GK5: variants seen among roughly 807,000 people sequenced by gnomAD.
GK5 encodes the protein ATP:glycerol 3-phosphotransferase 5.
GK5 carries 39 observed loss-of-function variants against 77.3 expected under a neutral mutation model. The ratio of observed to expected loss-of-function variants is 0.50; its 90% CI spans 0.39 to 0.66. The LOEUF (loss-of-function observed/expected upper bound fraction) is 0.66. Among genes scored for constraint, GK5 ranks in the 30% least tolerant of loss-of-function variants. The pLI, the probability that GK5 is intolerant of heterozygous loss-of-function variation, is 0.00. For missense variants in GK5, 487 were observed against 633.8 expected (o/e 0.77, Z 2.49); for synonymous variants, 211 against 208.0 (o/e 1.01, Z -0.13).
chr3:142,157,707 T>A lies in GK5; in HGVS notation c.*7915A>T, dbSNP rs2063393212. The A allele has an allele frequency of 6.6e-6, 1 of 152,198 alleles. No homozygotes were observed. 9.4% of individuals were successfully genotyped at this position (152,198 alleles called of 1,614,324 possible). A position where few individuals can be genotyped will look rare whatever the true frequency, so the allele number is the denominator to read the frequency against. ...TTATTTATAATCTTTCTAAATATTT[T>A]AAAATACAGTATATTTTCACAACAA... On this transcript the variant is annotated 3_prime_UTR_variant, in exon 16 of 16. Transcript: ENST00000392993.
chr3:142,215,500 T>C (rs2064261385), intron 2 of GK5, 99 bp downstream of exon 2: 1 of 624,470 alleles, frequency 1.6e-6, no homozygotes, highest in Non-Finnish European at 2.8e-6. Context: ...ATACTATATA[T>C]ATGTATAACT....
At chr3:142,190,270 A>C (rs1560221197) in intron 5 of GK5, among the ~76,000 whole-genome samples, 1 of 152,178 alleles carries the variant, frequency 6.6e-6, no homozygotes, top group Admixed American at 6.5e-5. Flanking sequence ...CAGGGGATTC[A>C]GTGAGAAGGT....
Position 142,211,597 on chromosome 3 carries a change from G to A in GK5, c.317+1929C>T, listed in dbSNP as rs1021997909. 1.1e-4 allele frequency among the ~76,000 whole-genome samples: 17 copies of A among 152,242 alleles called. No individual in the cohort carries two copies. The East Asian group carries it at 1.9e-3, about 17-fold the overall frequency. On this transcript the variant is annotated intron_variant, in intron 3 of 15. Coordinates refer to ENST00000392993, the MANE Select transcript of GK5 (RefSeq NM_001039547.3). ...ACTTGAGGCTCAGAGTTCAAGAACA[G>A]TCTAGGCAACATGGTGAGACTCCAT...
At position 142,172,381 on chromosome 3, in the gene GK5, G is replaced by T. The variant is rs2063550630; in HGVS notation, c.1219C>A (p.Arg407=). Residue 407 remains arginine (R), a synonymous_variant, in exon 13 of 16, where the codon CGA becomes AGA. Coordinates refer to ENST00000392993, the MANE Select transcript of GK5 (RefSeq NM_001039547.3). ...KPSTSKYHLV[R]AILESIAFRN... is the part of the protein sequence containing the mutation. Reference sequence around the variant, plus strand: ...AAAGCTATTGACTCCAATATTGCTCGTACAAGATGGTATTTACTGGTAGAA... The same window carrying T: ...AAAGCTATTGACTCCAATATTGCTCTTACAAGATGGTATTTACTGGTAGAA... The T allele has an allele frequency of 1.3e-6, 2 of 1,599,318 alleles. No individual in the cohort carries two copies. Among genetic ancestry groups the T allele is most frequent in the Non-Finnish European group, 1.7e-6 (2 of 1,170,034 alleles).
chr3:142,185,649 A>G, intron 9 of GK5: 1 of 1,218,160 alleles, frequency 8.2e-7, no homozygotes, highest in South Asian at 1.7e-5. Context: ...AATTAAAAAA[A>G]ATTTTTTTTA....
At chr3:142,188,185 T>G (rs1450338429) in intron 5 of GK5, among the ~76,000 whole-genome samples, 6 of 151,904 alleles carry the variant, frequency 3.9e-5, no homozygotes, top group Non-Finnish European at 8.8e-5. Context: ...TCACCTAAGG[T>G]CAGGAGTTCA....
Position 142,162,736 on chromosome 3 carries a change from G to GC in GK5, c.*2885dup. Reference sequence around the variant, plus strand: ...GGACAAGCCAGGCATGGTGGCTCACGCCTGTAATCCTAGCACTTTGGGAGG... The same window carrying GC: ...GGACAAGCCAGGCATGGTGGCTCACGCCCTGTAATCCTAGCACTTTGGGAGG... On this transcript the variant is annotated 3_prime_UTR_variant, in exon 16 of 16. Transcript: ENST00000392993. 6.6e-6 allele frequency: 1 copy of GC among 152,208 alleles called. No individual in the cohort carries two copies. Among genetic ancestry groups the GC allele is most frequent in the Middle Eastern group, 3.4e-3 (1 of 294 alleles). 9.4% of individuals were successfully genotyped at this position (152,208 alleles called of 1,614,324 possible). A position where few individuals can be genotyped will look rare whatever the true frequency, so the allele number is the denominator to read the frequency against.
intron 9 of GK5, 141 bp downstream of exon 9, chr3:142,185,788 C>T (rs762922397): frequency 3.2e-6 from 5 of 1,549,620 alleles, no homozygotes; most frequent in Non-Finnish European, 1.7e-6. Context: ...ATCCAGGGAC[C>T]TTTAACTTAA....
chr3:142,177,172 GT>G (rs1399517492), intron 12 of GK5, among the ~76,000 whole-genome samples: 1 of 152,134 alleles, frequency 6.6e-6, no homozygotes, highest in Non-Finnish European at 1.5e-5. Flanking sequence ...TCATGATAAA[GT>G]AATGCTAAGT....
chr3:142,186,512 A>G lies in GK5; in HGVS notation c.621T>C (p.Gly207=). Residue 207 remains glycine, a splice_region_variant and synonymous_variant, in exon 7 of 16, where the codon GGT becomes GGC. Coordinates refer to ENST00000392993, the MANE Select transcript of GK5 (RefSeq NM_001039547.3). ...TTGAAAAATCTGTGGCATATACAGAACCTAAATTTAAATAGGAAATAATAC... is the reference window on the plus strand; with the variant it reads ...TTGAAAAATCTGTGGCATATACAGAGCCTAAATTTAAATAGGAAATAATAC... ...DTWLLYKLTK[G]SVYATDFSNA... The G allele has an allele frequency of 6.8e-7, 1 of 1,479,802 alleles. No individual in the cohort carries two copies. Among genetic ancestry groups the G allele is most frequent in the Non-Finnish European group, 9.3e-7 (1 of 1,080,600 alleles). The allele number at this position is 1,479,802 out of a possible 1,614,324, so 91.7% of individuals were successfully genotyped here.
chr3:142,204,911 G>A, intron 3 of GK5, 123 bp from the exon 4 acceptor site: 1 of 610,898 alleles, frequency 1.6e-6, no homozygotes, highest in Non-Finnish European at 3.0e-6. Flanking sequence ...TTAGTTACAT[G>A]TGCCTTTCTG....
chr3:142,217,178 T>C (rs575706747), intron 1 of GK5, among the ~76,000 whole-genome samples: 11 of 152,162 alleles, frequency 7.2e-5, no homozygotes, highest in African/African-American at 2.4e-4. Flanking sequence ...CCAAGAGGAG[T>C]GAATACACTT....
At chr3:142,200,811 T>C (rs781500156) in intron 4 of GK5, among the ~76,000 whole-genome samples, 9 of 152,208 alleles carry the variant, frequency 5.9e-5, no homozygotes, top group Non-Finnish European at 1.0e-4. Flanking sequence ...GAGTAACTTA[T>C]AGCATACCAA....
chr3:142,169,298 G>A (rs1388106990), intron 15 of GK5, among the ~76,000 whole-genome samples: 1 of 152,150 alleles, frequency 6.6e-6, no homozygotes, highest in Non-Finnish European at 1.5e-5. Flanking sequence ...TCAACTTTTG[G>A]ACTTCCATGG....
chr3:142,197,903 A>T (rs2107787106), intron 5 of GK5, among the ~76,000 whole-genome samples: 1 of 151,956 alleles, frequency 6.6e-6, no homozygotes, highest in South Asian at 2.1e-4. Flanking sequence ...TGCGCCTGTA[A>T]TCCCAGCTAC....
Position 142,161,028 on chromosome 3 carries a change from T to A in GK5, c.*4594A>T, listed in dbSNP as rs1279103890. On this transcript the variant is annotated 3_prime_UTR_variant, in exon 16 of 16. Coordinates refer to ENST00000392993, the MANE Select transcript of GK5 (RefSeq NM_001039547.3). ...ATGAGCCACTGTACTTGGCCAAAAATTTTAAATAAACAACATGAGGATTCT... is the reference window on the plus strand; with the variant it reads ...ATGAGCCACTGTACTTGGCCAAAAAATTTAAATAAACAACATGAGGATTCT... 6.6e-6 allele frequency: 1 copy of A among 151,964 alleles called. No homozygotes were observed. The highest frequency in any genetic ancestry group is 1.5e-5 in the Non-Finnish European group (1 of 67,992). 9.4% of individuals were successfully genotyped at this position (151,964 alleles called of 1,614,324 possible). A position where few individuals can be genotyped will look rare whatever the true frequency, so the allele number is the denominator to read the frequency against.
chr3:142,181,542 T>G lies in GK5; in HGVS notation c.967A>C (p.Lys323Gln). 1 of 1,612,762 alleles carries G rather than the reference T, an allele frequency of 6.2e-7. No homozygotes were observed. Among genetic ancestry groups the G allele is most frequent in the Non-Finnish European group, 8.5e-7 (1 of 1,179,134 alleles). The change falls in exon 11 of 16, where the codon AAG becomes CAG. Residue 323 changes from lysine (K) to glutamine (Q), a missense_variant. By Grantham distance (53) the Lys-to-Gln change is moderately conservative. Around this residue, in one of 4 missense-constraint regions of GK5, gnomAD observed 323 missense variants for 437.4 expected, o/e 0.74. Transcript: ENST00000392993. ...AAGCATACGACTTCTTGCCCAATCT[T>G]CCACCCAATTAATGGATAAAAGCCT... ...TGGFYPLIGW[K>Q]IGQEVVCLAE...
chr3:142,195,771 T>C (rs1376844461), intron 5 of GK5, among the ~76,000 whole-genome samples: 1 of 152,228 alleles, frequency 6.6e-6, no homozygotes, highest in Non-Finnish European at 1.5e-5. Context: ...CTGGGAAGTA[T>C]CTCTCACTCC....
intron 5 of GK5, among the ~76,000 whole-genome samples, chr3:142,190,581 C>G (rs527489209): frequency 5.6e-4 from 85 of 152,262 alleles, no homozygotes; most frequent in African/African-American, 1.9e-3. Context: ...AAGTAGCTTG[C>G]ATAAAACACA....
Sources: gnomAD v4.1 joint callset for allele counts (sites outside exome capture counted in the v4.1 genomes callset) on GRCh38, gnomAD v4.1.1 for gene constraint, gnomAD v4.1.1 regional missense constraint, MANE v1.5 for transcripts, NCBI Gene and HGNC (gene_info 2026-07-23, HGNC 2026-07-21) for gene names.